OXR1: variants seen among roughly 807,000 people sequenced by gnomAD.
OXR1 encodes oxidation resistance 1.
OXR1 carries 41 observed loss-of-function variants against 104.6 expected under a neutral mutation model. The observed-to-expected ratio is 0.39, with a 90% CI of 0.31 to 0.51. The LOEUF is 0.51. Among genes scored for constraint, OXR1 ranks in the 20% least tolerant of loss-of-function variants. The pLI, the probability that OXR1 is intolerant of heterozygous loss-of-function variation, is 0.77. For synonymous variants in OXR1, 348 were observed against 348.4 expected, an observed-to-expected ratio of 1.00 and a Z score of 0.01; for missense variants, 955 against 1,031.9, an observed-to-expected ratio of 0.93 and a Z score of 1.02.
intron 2 of OXR1, among the ~76,000 whole-genome samples, chr8:106,496,721 C>T (rs1811437332): frequency 6.6e-6 from 1 of 152,196 alleles, no homozygotes; most frequent in Non-Finnish European, 1.5e-5. Context: ...GACTAACACA[C>T]TATCAAGATA....
intron 2 of OXR1, among the ~76,000 whole-genome samples, chr8:106,485,958 AG>A (rs765385661): frequency 1.0e-5 from 1 of 97,906 alleles, no homozygotes; most frequent in Admixed American, 1.3e-4. Context: ...GCTGGGACAG[AG>A]GGGGTGGGGG....
At chr8:106,324,986 C>T (rs944567708) in intron 1 of OXR1, among the ~76,000 whole-genome samples, 2 of 152,130 alleles carry the variant, frequency 1.3e-5, no homozygotes, top group Admixed American at 1.3e-4. Context: ...ACAATCTTTT[C>T]ATAATTCCTG....
At chr8:106,333,711 T>C (rs1186753688) in intron 1 of OXR1, among the ~76,000 whole-genome samples, 1 of 152,132 alleles carries the variant, frequency 6.6e-6, no homozygotes, top group Non-Finnish European at 1.5e-5. Flanking sequence ...TAATGATTGT[T>C]TCAGCATTTG....
intron 3 of OXR1, among the ~76,000 whole-genome samples, chr8:106,564,067 C>T (rs1816889890): frequency 6.6e-6 from 1 of 151,878 alleles, no homozygotes; most frequent in Non-Finnish European, 1.5e-5. Context: ...CCTAAGATCA[C>T]AATTAAAAAA....
intron 3 of OXR1, among the ~76,000 whole-genome samples, chr8:106,560,402 A>G (rs552785905): frequency 4.6e-5 from 7 of 152,312 alleles, no homozygotes; most frequent in Admixed American, 1.3e-4. Flanking sequence ...GATAGCACCA[A>G]CACTCCCTAC....
At chr8:106,671,898 A>G (rs1307087987) in intron 3 of OXR1, among the ~76,000 whole-genome samples, 2 of 150,934 alleles carry the variant, frequency 1.3e-5, no homozygotes, top group South Asian at 2.1e-4. Context: ...CAGCACACCA[A>G]CATGGCACAT....
chr8:106,539,849 C>G (rs575025472), intron 3 of OXR1, among the ~76,000 whole-genome samples: 1 of 152,292 alleles, frequency 6.6e-6, no homozygotes, highest in African/African-American at 2.4e-5. Context: ...ATCTAGAATT[C>G]ATTCATATCT....
At position 106,428,608 on chromosome 8, in the gene OXR1, CT is replaced by C. The variant is rs36049400; in HGVS notation, c.23+68988del. Among the ~76,000 whole-genome samples the C allele has an allele frequency of 6.9e-3, 959 of 138,988 alleles. 1 individual carries two copies. Among genetic ancestry groups the C allele is most frequent in the African/African-American group, 0.011 (409 of 37,744 alleles). The allele number at this position is 138,988 out of a possible 152,430, so 91.2% of individuals were successfully genotyped here. On this transcript the variant is annotated intron_variant, in intron 2 of 16. Transcript: ENST00000517566. The stretch of plus-strand genomic sequence containing the variant: ...CTCATGGGCCTGGAGCTGCCAATGT[CT>C]TTTTTTTTTTTTTTTAAACATCTAG...
At chr8:106,368,117 G>A (rs896239040) in intron 2 of OXR1, among the ~76,000 whole-genome samples, 1 of 152,128 alleles carries the variant, frequency 6.6e-6, no homozygotes, top group African/African-American at 2.4e-5. Flanking sequence ...TCAGTGATAG[G>A]AATAATTGAG....
chr8:106,572,103 G>A (rs1405786991), intron 3 of OXR1, among the ~76,000 whole-genome samples: 2 of 152,162 alleles, frequency 1.3e-5, no homozygotes, highest in African/African-American at 4.8e-5. Flanking sequence ...CCTGTGATGG[G>A]AGTGGCAGCC....
intron 1 of OXR1, among the ~76,000 whole-genome samples, chr8:106,296,995 C>A (rs559711312): frequency 6.6e-6 from 1 of 152,132 alleles, no homozygotes; most frequent in African/African-American, 2.4e-5. Context: ...GTGATGGTAA[C>A]GCTACTCAAC....
rs570254962 is a variant in OXR1 at position 106,427,029 on chromosome 8, C to T, written c.23+67393C>T. Among the ~76,000 whole-genome samples the T allele has an allele frequency of 1.1e-4, 17 of 152,130 alleles. No individual in the cohort carries two copies. The South Asian group carries it at 1.9e-3, about 17-fold the overall frequency. On this transcript the variant is annotated intron_variant, in intron 2 of 16. Transcript: ENST00000517566. ...ATTTTAATTCTGCTTCATGGCTGCG[C>T]GTTTTGTATACTGATTCATGACTGT...
At chr8:106,358,272 G>T (rs780444473) in intron 1 of OXR1, among the ~76,000 whole-genome samples, 18 of 152,116 alleles carry the variant, frequency 1.2e-4, no homozygotes, top group Non-Finnish European at 2.2e-4. Context: ...TTCTCAGGTC[G>T]AGATTTATTT....
intron 11 of OXR1, among the ~76,000 whole-genome samples, chr8:106,737,292 T>C (rs1367013577): frequency 6.6e-6 from 1 of 152,152 alleles, no homozygotes; most frequent in African/African-American, 2.4e-5. Context: ...GTCCATAAAA[T>C]AAACCTTACA....
intron 10 of OXR1, among the ~76,000 whole-genome samples, chr8:106,713,173 C>T (rs1228236655): frequency 2.6e-5 from 4 of 151,642 alleles, no homozygotes; most frequent in Non-Finnish European, 5.9e-5. Context: ...TATATGTTAG[C>T]TGAAAGTTAT....
At chr8:106,446,015 C>A (rs550943099) in intron 2 of OXR1, among the ~76,000 whole-genome samples, 1 of 152,102 alleles carries the variant, frequency 6.6e-6, no homozygotes, top group Non-Finnish European at 1.5e-5. Context: ...CAAGAAGAAC[C>A]CTTTCTTACT....
intron 10 of OXR1, 150 bp from the exon 11 acceptor site, chr8:106,713,673 C>G (rs1483109576): frequency 5.6e-5 from 26 of 463,240 alleles, no homozygotes; most frequent in Middle Eastern, 5.4e-4. Flanking sequence ...TTAATGCCTT[C>G]CTGATAGTAG....
chr8:106,742,588 A>G (rs1323656156), intron 15 of OXR1: 1 of 253,080 alleles, frequency 4.0e-6, no homozygotes, highest in Non-Finnish European at 7.5e-6. Flanking sequence ...TGGTACTGGT[A>G]TAAGAACAGA....
In OXR1 at chr8:106,752,186, C is replaced by G. The variant is rs1183392086; in HGVS notation, c.*1245C>G. The G allele has an allele frequency of 1.3e-5, 2 of 149,676 alleles. No homozygotes were observed. The highest frequency in any genetic ancestry group is 1.3e-4 in the Admixed American group (2 of 14,832). 9.3% of individuals were successfully genotyped at this position (149,676 alleles called of 1,614,324 possible). On this transcript the variant is annotated 3_prime_UTR_variant, in exon 17 of 17. Transcript: ENST00000517566. The stretch of plus-strand genomic sequence containing the variant: ...ACTTTGTGCTGAAATTTCAGCTATT[C>G]CAGATAAACATTGTATATCTTGTAA...
Sources: gnomAD v4.1 joint callset for allele counts (sites outside exome capture counted in the v4.1 genomes callset) on GRCh38, gnomAD v4.1.1 for gene constraint, MANE v1.5 for transcripts, NCBI Gene and HGNC (gene_info 2026-07-23, HGNC 2026-07-21) for gene names.